The following CHRM5 variants were observed in gnomAD, a reference collection of about 807,000 sequenced individuals.
CHRM5 encodes cholinergic receptor muscarinic 5, also known as muscarinic acetylcholine receptor M5.
In CHRM5, 18 loss-of-function variants were observed where a neutral mutation model predicts 39.0. The ratio of observed to expected loss-of-function variants is 0.46; its 90% CI spans 0.32 to 0.68. The LOEUF is 0.68. CHRM5 is among the 30% of genes least tolerant of loss of function. The pLI is 0.04. For missense variants in CHRM5, 515 were observed against 651.1 expected, an observed-to-expected ratio of 0.79 and a Z score of 2.28; for synonymous variants, 241 against 246.3, an observed-to-expected ratio of 0.98 and a Z score of 0.20.
At chr15:33,971,802 G>A (rs926921925) in intron 1 of CHRM5, among the ~76,000 whole-genome samples, 1 of 151,906 alleles carries the variant, frequency 6.6e-6, no homozygotes, top group Non-Finnish European at 1.5e-5. Flanking sequence ...TCCTTATTAT[G>A]GTTAATTTTC....
rs192949059 is a variant in CHRM5 at position 34,020,915 on chromosome 15, C to T, written c.-407-25625C>T. Among the ~76,000 whole-genome samples the T allele has an allele frequency of 5.3e-5, 8 of 152,328 alleles. No individual in the cohort carries two copies. In the East Asian group the frequency reaches 1.5e-3, roughly 29 times the overall value. ...ACCAAAATTCTCTTCCTTTTAAGCACCTACCTTATATGGAGACAGTCTATA... is the reference window on the plus strand; with the variant it reads ...ACCAAAATTCTCTTCCTTTTAAGCATCTACCTTATATGGAGACAGTCTATA... On this transcript the variant is annotated intron_variant, in intron 1 of 2. Transcript: ENST00000383263.
chr15:34,020,035 G>A (rs1466731814), intron 1 of CHRM5, among the ~76,000 whole-genome samples: 2 of 152,144 alleles, frequency 1.3e-5, no homozygotes, highest in Non-Finnish European at 2.9e-5. Flanking sequence ...TTTTAGGCTG[G>A]GCGCAGTGGT....
chr15:34,024,450 G>A (rs1183590578), intron 1 of CHRM5, among the ~76,000 whole-genome samples: 2 of 143,572 alleles, frequency 1.4e-5, no homozygotes, highest in Non-Finnish European at 3.0e-5. Context: ...TCCAGCCTGG[G>A]CAACAGAATG....
chr15:34,018,441 A>C (rs2140702127), intron 1 of CHRM5: 1 of 152,222 alleles, frequency 6.6e-6, no homozygotes, highest in East Asian at 1.9e-4. Flanking sequence ...CCCTGACTTC[A>C]GAAGTGAAGC....
chr15:33,977,811 C>T (rs896486640), intron 1 of CHRM5, among the ~76,000 whole-genome samples: 2 of 152,192 alleles, frequency 1.3e-5, no homozygotes, highest in Non-Finnish European at 1.5e-5. Context: ...GGTAGTTCAC[C>T]CGTGTAATTC....
intron 1 of CHRM5, among the ~76,000 whole-genome samples, chr15:33,978,391 C>T (rs757244539): frequency 2.0e-5 from 3 of 152,144 alleles, no homozygotes; most frequent in Non-Finnish European, 2.9e-5. Context: ...AGGCCGGGCA[C>T]GATGGCTCAC....
intron 2 of CHRM5, among the ~76,000 whole-genome samples, chr15:34,061,572 T>C (rs1049777186): frequency 9.2e-5 from 14 of 152,222 alleles, no homozygotes; most frequent in African/African-American, 3.4e-4. Flanking sequence ...TACACTAAAC[T>C]GTTAGCATTG....
At chr15:34,029,419 G>A (rs1374417417) in intron 1 of CHRM5, among the ~76,000 whole-genome samples, 3 of 150,258 alleles carry the variant, frequency 2.0e-5, no homozygotes, top group African/African-American at 7.4e-5. Context: ...GGTGGCTCAT[G>A]CCTGTAATCC....
chr15:34,036,078 G>A (rs1245851342), intron 1 of CHRM5, among the ~76,000 whole-genome samples: 2 of 149,876 alleles, frequency 1.3e-5, no homozygotes, highest in South Asian at 2.1e-4. Context: ...TTACAAGCGC[G>A]AGCCACCACA....
intron 1 of CHRM5, among the ~76,000 whole-genome samples, chr15:33,981,788 A>G (rs751154737): frequency 1.3e-5 from 2 of 152,180 alleles, no homozygotes; most frequent in Non-Finnish European, 2.9e-5. Context: ...ATTTAAACAA[A>G]ATGTATACAA....
Position 34,064,450 on chromosome 15 carries a change from T to G in CHRM5, c.*134T>G. ...AGTCCTTGAAGATTTTTGTAAAGGC[T>G]CAAGTTTGGTTGCCAAATGGAAGGG... On this transcript the variant is annotated 3_prime_UTR_variant, in exon 3 of 3. Coordinates refer to ENST00000383263, the MANE Select transcript of CHRM5 (RefSeq NM_012125.4). The G allele has an allele frequency of 3.5e-6, 4 of 1,130,934 alleles. No individual in the cohort carries two copies. The highest frequency in any genetic ancestry group is 4.9e-6 in the Non-Finnish European group (4 of 810,004). 70.1% of individuals were successfully genotyped at this position (1,130,934 alleles called of 1,614,324 possible).
At chr15:34,059,367 AT>A (rs1900262197) in intron 2 of CHRM5, among the ~76,000 whole-genome samples, 1 of 152,210 alleles carries the variant, frequency 6.6e-6, no homozygotes. Context: ...ATGTATTCCT[AT>A]TTTGAAGAAT....
intron 1 of CHRM5, among the ~76,000 whole-genome samples, chr15:33,997,232 C>G (rs1368956141): frequency 2.0e-5 from 3 of 152,130 alleles, no homozygotes; most frequent in Non-Finnish European, 4.4e-5. Flanking sequence ...CTGAAAGACA[C>G]ACTATAGAAG....
At chr15:34,019,156 A>C (rs1217679857) in intron 1 of CHRM5, among the ~76,000 whole-genome samples, 1 of 152,248 alleles carries the variant, frequency 6.6e-6, no homozygotes, top group African/African-American at 2.4e-5. Flanking sequence ...TCCCCACTCA[A>C]CCCAGTAAGT....
chr15:34,022,129 G>C (rs913560828), intron 1 of CHRM5, among the ~76,000 whole-genome samples: 2 of 152,180 alleles, frequency 1.3e-5, no homozygotes, highest in Non-Finnish European at 2.9e-5. Flanking sequence ...AAGCTGTTTG[G>C]CTGGCATGCC....
At chr15:34,014,747 A>G (rs1425498845) in intron 1 of CHRM5, among the ~76,000 whole-genome samples, 1 of 152,134 alleles carries the variant, frequency 6.6e-6, no homozygotes. Context: ...GGTCTACTCC[A>G]ACAGCTGGTG....
intron 1 of CHRM5, among the ~76,000 whole-genome samples, chr15:33,994,296 C>T (rs1896848997): frequency 6.6e-6 from 1 of 152,228 alleles, no homozygotes; most frequent in South Asian, 2.1e-4. Context: ...AGGTTGCACG[C>T]TCCTTATGAG....
At chr15:34,049,952 A>G (rs1331943433) in intron 2 of CHRM5, among the ~76,000 whole-genome samples, 1 of 151,488 alleles carries the variant, frequency 6.6e-6, no homozygotes, top group Non-Finnish European at 1.5e-5. Context: ...CAGTGGCACA[A>G]TCTCAGCTCA....
At chr15:34,038,723 C>A (rs1307038367) in intron 1 of CHRM5, 3 of 1,127,200 alleles carry the variant, frequency 2.7e-6, no homozygotes, top group South Asian at 8.7e-5. Context: ...CTGGCGGCCT[C>A]GGCCCCACTT....
Sources: gnomAD v4.1 joint callset for allele counts (sites outside exome capture counted in the v4.1 genomes callset) on GRCh38, gnomAD v4.1.1 for gene constraint, MANE v1.5 for transcripts, NCBI Gene and HGNC (gene_info 2026-07-23, HGNC 2026-07-21) for gene names.